Variants in TBCK observed in about 807,000 individuals in gnomAD.
The protein encoded by TBCK is TBC1 domain containing kinase.
Under a neutral mutation model 113.4 loss-of-function variants are expected in TBCK, and 99 were observed. The ratio of observed to expected loss-of-function variants is 0.87; its 90% CI spans 0.74 to 1.03. The LOEUF (loss-of-function observed/expected upper bound fraction) is 1.03, where lower values mean the gene tolerates loss of function less well. TBCK is among the 50% of genes least tolerant of loss of function. The pLI is 0.00. For missense variants in TBCK, 1,045 were observed against 1,061.3 expected (o/e 0.98, Z 0.21); for synonymous variants, 369 against 370.8 (o/e 1.00, Z 0.05).
At chr4:106,189,664 A>G (rs1753441645) in intron 22 of TBCK, among the ~76,000 whole-genome samples, 1 of 152,234 alleles carries the variant, frequency 6.6e-6, no homozygotes, top group African/African-American at 2.4e-5. Context: ...AGAAAGCTCT[A>G]CAAATATTAA....
At chr4:106,173,136 T>C (rs1751232165) in intron 22 of TBCK, among the ~76,000 whole-genome samples, 1 of 152,108 alleles carries the variant, frequency 6.6e-6, no homozygotes, top group South Asian at 2.1e-4. Flanking sequence ...ATTCCTAATA[T>C]AAAAACTATA....
chr4:106,171,713 G>A (rs762810585), intron 22 of TBCK, among the ~76,000 whole-genome samples: 2 of 152,132 alleles, frequency 1.3e-5, no homozygotes, highest in African/African-American at 2.4e-5. Context: ...TTTAGAAGAT[G>A]TTGATTGCTG....
intron 3 of TBCK, among the ~76,000 whole-genome samples, chr4:106,290,092 A>G (rs1424839865): frequency 6.6e-6 from 1 of 152,198 alleles, no homozygotes; most frequent in African/African-American, 2.4e-5. Context: ...TTCAATTTTA[A>G]TGTCAACTAG....
In TBCK at chr4:106,250,849, G is replaced by A. The variant is rs1014994380; in HGVS notation, c.598-371C>T. Among the ~76,000 whole-genome samples, 14 of 151,452 alleles carry A rather than the reference G, an allele frequency of 9.2e-5. 1 individual carries two copies. The highest frequency in any genetic ancestry group is 2.7e-4 in the African/African-American group (11 of 41,240). On this transcript the variant is annotated intron_variant, in intron 6 of 25. Coordinates refer to ENST00000394708, the MANE Select transcript of TBCK (RefSeq NM_001163435.3). ...TGGGTAAGACTGATTATACTCTTTC[G>A]CCTACCGAGCTAATTCTTACTTAAA... is the stretch of plus-strand genomic sequence containing the variant.
intron 24 of TBCK, among the ~76,000 whole-genome samples, chr4:106,111,673 C>T (rs1742874370): frequency 6.6e-6 from 1 of 152,158 alleles, no homozygotes; most frequent in South Asian, 2.1e-4. Flanking sequence ...AAGTCACATG[C>T]CTCTGTCGTA....
Position 106,043,982 on chromosome 4 carries a change from C to T in TBCK, c.*2588G>A, listed in dbSNP as rs1006528970. ...GTATAAACATGGCAGTGATAGTGTG[C>T]TCTTACTTTACTGTTGAGAATATTA... On this transcript the variant is annotated 3_prime_UTR_variant, in exon 26 of 26. Coordinates refer to ENST00000394708, the MANE Select transcript of TBCK (RefSeq NM_001163435.3). 6.6e-6 allele frequency: 1 copy of T among 152,102 alleles called. No individual in the cohort carries two copies. Among genetic ancestry groups the T allele is most frequent in the Admixed American group, 6.6e-5 (1 of 15,262 alleles). 9.4% of individuals were successfully genotyped at this position (152,102 alleles called of 1,614,324 possible). A position where few individuals can be genotyped will look rare whatever the true frequency, so the allele number is the denominator to read the frequency against.
chr4:106,071,713 T>C (rs1737476654), intron 25 of TBCK, among the ~76,000 whole-genome samples: 1 of 152,176 alleles, frequency 6.6e-6, no homozygotes, highest in Non-Finnish European at 1.5e-5. Flanking sequence ...AAGTCTCCCA[T>C]TATTATTGTG....
intron 25 of TBCK, among the ~76,000 whole-genome samples, chr4:106,081,052 C>G (rs528512539): frequency 2.6e-5 from 4 of 152,282 alleles, no homozygotes; most frequent in African/African-American, 9.6e-5. Context: ...AAAAGGAACA[C>G]TTTTACACAT....
intron 11 of TBCK, 45 bp from the exon 12 acceptor site, chr4:106,242,614 T>G: frequency 7.2e-7 from 1 of 1,380,878 alleles, no homozygotes; most frequent in South Asian, 1.3e-5. Flanking sequence ...AAATCCAGTT[T>G]ATTGTTTCTT....
intron 3 of TBCK, among the ~76,000 whole-genome samples, chr4:106,271,949 G>A (rs1349963284): frequency 6.6e-6 from 1 of 152,038 alleles, no homozygotes; most frequent in Non-Finnish European, 1.5e-5. Flanking sequence ...TCTACTCCCT[G>A]CAATTCTGAT....
At chr4:106,075,478 T>C (rs1738069330) in intron 25 of TBCK, among the ~76,000 whole-genome samples, 1 of 152,214 alleles carries the variant, frequency 6.6e-6, no homozygotes, top group Non-Finnish European at 1.5e-5. Flanking sequence ...AATAAAAATA[T>C]ATGATACTAG....
intron 25 of TBCK, among the ~76,000 whole-genome samples, chr4:106,081,756 G>T (rs1738898103): frequency 6.6e-6 from 1 of 151,920 alleles, no homozygotes; most frequent in Non-Finnish European, 1.5e-5. Flanking sequence ...AAATCAAAAA[G>T]CAAAAAACAA....
chr4:106,282,718 A>C (rs1764727480), intron 3 of TBCK, among the ~76,000 whole-genome samples: 1 of 152,094 alleles, frequency 6.6e-6, no homozygotes. Flanking sequence ...TGGGTAATTT[A>C]TAAAGAAAAT....
chr4:106,242,021 C>G (rs561295987), intron 12 of TBCK, among the ~76,000 whole-genome samples: 147 of 151,808 alleles, frequency 9.7e-4, no homozygotes, highest in Non-Finnish European at 1.9e-3. Flanking sequence ...GTCCTCAAAT[C>G]AATAAGAAAT....
intron 11 of TBCK, among the ~76,000 whole-genome samples, chr4:106,243,413 G>T (rs1206388263): frequency 1.3e-5 from 2 of 152,008 alleles, no homozygotes; most frequent in Non-Finnish European, 2.9e-5. Flanking sequence ...AATAAAATTT[G>T]TTTACAATTT....
At chr4:106,072,326 A>G (rs1337991776) in intron 25 of TBCK, among the ~76,000 whole-genome samples, 2 of 152,186 alleles carry the variant, frequency 1.3e-5, no homozygotes, top group African/African-American at 4.8e-5. Context: ...GCTTGTCTGT[A>G]AAGGATTTTA....
rs1733975821 is a variant in TBCK, at chr4:106,043,522, C to T, written c.*3048G>A. 1 of 152,106 alleles carries T rather than the reference C, an allele frequency of 6.6e-6. No individual in the cohort carries two copies. The highest frequency in any genetic ancestry group is 2.1e-4 in the South Asian group (1 of 4,824). The allele number at this position is 152,106 out of a possible 1,614,324, so 9.4% of individuals were successfully genotyped here. ...AGGTAGCAAGAGGTATAAATTATAG[C>T]TCCTGATCTTAAGCAGCTCATATTT... On this transcript the variant is annotated 3_prime_UTR_variant, in exon 26 of 26. Transcript: ENST00000394708.
At chr4:106,123,741 G>A (rs1342794510) in intron 23 of TBCK, among the ~76,000 whole-genome samples, 1 of 151,840 alleles carries the variant, frequency 6.6e-6, no homozygotes, top group Non-Finnish European at 1.5e-5. Context: ...AGAAAAACAA[G>A]CAATGGGGAA....
chr4:106,114,609 T>G (rs969126454), intron 24 of TBCK, among the ~76,000 whole-genome samples: 1 of 152,186 alleles, frequency 6.6e-6, no homozygotes, highest in Non-Finnish European at 1.5e-5. Context: ...ACTGGATACC[T>G]GCGTCTGACT....
Sources: gnomAD v4.1 joint callset for allele counts (sites outside exome capture counted in the v4.1 genomes callset) on GRCh38, gnomAD v4.1.1 for gene constraint, MANE v1.5 for transcripts, NCBI Gene and HGNC (gene_info 2026-07-23, HGNC 2026-07-21) for gene names.